The following MISFA variants were observed in gnomAD, a reference collection of about 807,000 sequenced individuals.
MISFA encodes mitochondrial sheath formation-associated protein.
At chr11:18,607,858 T>C in the MISFA span, 2 of 152,234 alleles carry the variant, frequency 1.3e-5, no homozygotes, top group African/African-American at 2.4e-5. Flanking sequence ...TATTCTAACA[T>C]AATGGTGCCT....
chr11:18,606,781 T>C, the MISFA span: 1 of 389,052 alleles, frequency 2.6e-6, no homozygotes, highest in Non-Finnish European at 4.9e-6. Context: ...ATAGCTGCTT[T>C]TAAGTTACAA....
the MISFA span, chr11:18,609,566 G>A: frequency 6.3e-6 from 2 of 318,594 alleles, no homozygotes; most frequent in Non-Finnish European, 1.1e-5. Context: ...TTGGCTGACT[G>A]GTGAGTGGCC....
At chr11:18,605,938 A>T in the MISFA span, among the ~76,000 whole-genome samples, 2 of 152,148 alleles carry the variant, frequency 1.3e-5, no homozygotes, top group Non-Finnish European at 2.9e-5. Context: ...TCTACCTCCC[A>T]AAGTGCTGGG....
the MISFA span, chr11:18,603,864 C>T: frequency 6.3e-5 from 18 of 284,702 alleles, no homozygotes; most frequent in Admixed American, 3.3e-4. Context: ...GTTGGTTTCA[C>T]ATAAAGTAAT....
At chr11:18,605,941 G>A in the MISFA span, among the ~76,000 whole-genome samples, 106 of 152,266 alleles carry the variant, frequency 7.0e-4, no homozygotes, top group African/African-American at 2.4e-3. Context: ...ACCTCCCAAA[G>A]TGCTGGGATT....
the MISFA span, chr11:18,606,755 T>A: frequency 2.5e-6 from 1 of 392,430 alleles, no homozygotes; most frequent in Non-Finnish European, 4.8e-6. Flanking sequence ...TCCTGCTATA[T>A]CTCAGAAATT....
the MISFA span, among the ~76,000 whole-genome samples, chr11:18,605,691 C>G: frequency 6.6e-5 from 10 of 152,188 alleles, no homozygotes; most frequent in African/African-American, 2.2e-4. Flanking sequence ...GCCCATTTGC[C>G]TCGTAATACA....
chr11:18,609,759 C>A, the MISFA span: 1 of 979,282 alleles, frequency 1.0e-6, no homozygotes, highest in Non-Finnish European at 1.6e-6. Context: ...TCCTTGAGTA[C>A]CCAAGTATAA....
chr11:18,601,836 T>G, the MISFA span: 4 of 290,054 alleles, frequency 1.4e-5, no homozygotes, highest in Non-Finnish European at 2.5e-5. Flanking sequence ...TTAGTTTCTT[T>G]GAACTTCAGT....
At chr11:18,603,328 G>A in the MISFA span, 1 of 396,022 alleles carries the variant, frequency 2.5e-6, no homozygotes, top group African/African-American at 2.1e-5. Flanking sequence ...TAAAGTTACT[G>A]TAGCTGTTGG....
the MISFA span, chr11:18,602,734 T>A: frequency 2.3e-5 from 4 of 172,116 alleles, no homozygotes; most frequent in Non-Finnish European, 4.9e-5. Context: ...ACAAAGCCAA[T>A]AGTTAAACAT....
the MISFA span, among the ~76,000 whole-genome samples, chr11:18,605,875 GC>G: frequency 2.6e-5 from 4 of 151,992 alleles, no homozygotes; most frequent in African/African-American, 9.7e-5. Flanking sequence ...ACGGAGTTTT[GC>G]CATGTTGGCC....
chr11:18,603,709 C>A, the MISFA span: 1 of 398,788 alleles, frequency 2.5e-6, no homozygotes. Flanking sequence ...GGCCAAATGC[C>A]TAAGCCCCCA....
the MISFA span, chr11:18,603,829 C>A: frequency 2.5e-6 from 1 of 398,540 alleles, no homozygotes; most frequent in Admixed American, 4.4e-5. Context: ...GTGAAGCTCA[C>A]CTGACCAGCT....
chr11:18,609,652 G>A, the MISFA span: 1 of 578,856 alleles, frequency 1.7e-6, no homozygotes, highest in South Asian at 2.1e-5. Context: ...GCACAAGTGG[G>A]CATTATATCA....
At chr11:18,603,041 C>T in the MISFA span, 6 of 398,084 alleles carry the variant, frequency 1.5e-5, no homozygotes, top group South Asian at 1.3e-4. Flanking sequence ...TGGATTCCTA[C>T]GACTCAGGGA....
the MISFA span, chr11:18,608,945 T>C: frequency 6.7e-6 from 1 of 149,686 alleles, no homozygotes; most frequent in East Asian, 1.9e-4. Context: ...TCAAGAGGTA[T>C]GAGGGCACCT....
chr11:18,603,752 C>T, the MISFA span: 1 of 399,036 alleles, frequency 2.5e-6, no homozygotes. Flanking sequence ...ATGACACACA[C>T]TTTCTTTTTT....
chr11:18,606,668 A>T, the MISFA span: 9 of 402,234 alleles, frequency 2.2e-5, no homozygotes, highest in Middle Eastern at 6.8e-4. Context: ...ATAGTAGTCT[A>T]ATATATTCAA....
Sources: allele counts gnomAD v4.1 joint callset (sites outside exome capture counted in the v4.1 genomes callset), GRCh38; gene constraint gnomAD v4.1.1; transcripts MANE v1.5; gene names NCBI Gene and HGNC (gene_info 2026-07-23, HGNC 2026-07-21).